The following ANKS1A variants were observed in gnomAD, a reference collection of about 807,000 sequenced individuals.
The protein encoded by ANKS1A is ankyrin repeat and sterile alpha motif domain containing 1A.
ANKS1A carries 55 observed loss-of-function variants against 120.3 expected under a neutral mutation model. The ratio of observed to expected loss-of-function variants is 0.46; its 90% CI spans 0.37 to 0.57. The LOEUF (loss-of-function observed/expected upper bound fraction) is 0.57, where lower values mean the gene tolerates loss of function less well. Among genes scored for constraint, ANKS1A ranks in the 20% least tolerant of loss-of-function variants. The pLI, the probability that ANKS1A is intolerant of heterozygous loss-of-function variation, is 0.00. For synonymous variants in ANKS1A, 590 were observed against 604.7 expected (o/e 0.98, Z 0.36); for missense variants, 1,123 against 1,480.3 (o/e 0.76, Z 3.96).
At chr6:35,034,092 T>A (rs1775039266) in intron 11 of ANKS1A, among the ~76,000 whole-genome samples, 1 of 152,218 alleles carries the variant, frequency 6.6e-6, no homozygotes, top group South Asian at 2.1e-4. Context: ...CAGGGGTGTG[T>A]CTGTGTGTCT....
At chr6:34,895,780 C>CTT (rs995285475) in intron 1 of ANKS1A, among the ~76,000 whole-genome samples, 1,071 of 90,326 alleles carry the variant, frequency 0.012, 144 homozygotes, top group African/African-American at 0.033. Context: ...GAATGTCTTT[C>CTT]TTTTTTTTTT....
chr6:34,994,424 T>A lies in ANKS1A; in HGVS notation c.1423+2T>A. 1 of 1,610,990 alleles carries A rather than the reference T, an allele frequency of 6.2e-7. No homozygotes were observed. On this transcript the variant is annotated splice_donor_variant, in intron 10 of 23. Coordinates refer to ENST00000360359, the MANE Select transcript of ANKS1A (RefSeq NM_015245.3). LOFTEE classifies it high-confidence loss of function. ...TGTTGGTGGATGGAAAAACAAAAGG[T>A]ACGTTCCCCACAACTCCTGGCAGAA... is the stretch of plus-strand genomic sequence containing the variant.
chr6:35,087,732 T>G (rs1430457666), intron 23 of ANKS1A, among the ~76,000 whole-genome samples: 1 of 152,204 alleles, frequency 6.6e-6, no homozygotes, highest in Non-Finnish European at 1.5e-5. Context: ...GCCCAAGATA[T>G]GCGCCAGGCC....
intron 11 of ANKS1A, among the ~76,000 whole-genome samples, chr6:35,053,817 G>A (rs369090871): frequency 6.6e-6 from 1 of 152,272 alleles, no homozygotes; most frequent in East Asian, 1.9e-4. Context: ...GAGTGACATA[G>A]AGATGCCTTG....
intron 1 of ANKS1A, among the ~76,000 whole-genome samples, chr6:34,911,043 C>T (rs1263206428): frequency 6.6e-6 from 1 of 152,070 alleles, no homozygotes; most frequent in East Asian, 1.9e-4. Flanking sequence ...TAGAACAGCT[C>T]CATTACTTAT....
rs78271189 is a variant in ANKS1A, at chr6:34,921,487, C to T, written c.197+31888C>T. The stretch of plus-strand genomic sequence containing the variant: ...TAGAGTTCCAGCCTTTTTATAACAT[C>T]GCTACATTTTAATTTTTTATTTGCA... On this transcript the variant is annotated intron_variant, in intron 1 of 23. Transcript: ENST00000360359. Among the ~76,000 whole-genome samples the T allele has an allele frequency of 3.7e-4, 57 of 152,272 alleles. 1 individual carries two copies. The East Asian group carries it at 0.01, about 28-fold the overall frequency.
intron 1 of ANKS1A, among the ~76,000 whole-genome samples, chr6:34,929,855 CTCTCTTTCTG>C (rs376732273): frequency 3.8e-4 from 54 of 141,220 alleles, no homozygotes; most frequent in African/African-American, 1.4e-3. Context: ...TTCTCTTTCT[CTCTCTTTCTG>C]TCTCTTTCTC....
rs1357641865 is a variant in ANKS1A at position 35,089,771 on chromosome 6, T to A, written c.*1162T>A. ...AAGTAACTTGGGTTGCATTCTTCCC[T>A]CTGGACTAGAGTAGAAATGCAGGGG... On this transcript the variant is annotated 3_prime_UTR_variant, in exon 24 of 24. Coordinates refer to ENST00000360359, the MANE Select transcript of ANKS1A (RefSeq NM_015245.3). 5 of 1,009,680 alleles carry A rather than the reference T, an allele frequency of 5.0e-6. No individual in the cohort carries two copies. Among genetic ancestry groups the A allele is most frequent in the Non-Finnish European group, 5.9e-6 (5 of 845,240 alleles). 62.5% of individuals were successfully genotyped at this position (1,009,680 alleles called of 1,614,324 possible). A position where few individuals can be genotyped will look rare whatever the true frequency, so the allele number is the denominator to read the frequency against.
chr6:35,029,350 T>C, intron 11 of ANKS1A, among the ~76,000 whole-genome samples: 1 of 84,780 alleles, frequency 1.2e-5, no homozygotes, highest in Non-Finnish European at 2.5e-5. Flanking sequence ...TGACTTCTGC[T>C]TTTTTTTTTT....
rs191425135 is a variant in ANKS1A at position 34,895,853 on chromosome 6, G to A, written c.197+6254G>A. 3.0e-4 allele frequency among the ~76,000 whole-genome samples: 37 copies of A among 125,080 alleles called. 1 individual carries two copies. The highest frequency in any genetic ancestry group is 2.4e-3 in the Admixed American group (25 of 10,236). 82.1% of individuals were successfully genotyped at this position (125,080 alleles called of 152,430 possible). A position where few individuals can be genotyped will look rare whatever the true frequency, so the allele number is the denominator to read the frequency against. On this transcript the variant is annotated intron_variant, in intron 1 of 23. Transcript: ENST00000360359. ...CGCCCAGGCTGGAGTGCGATGGCAC[G>A]ATCTCGACTCATTGCAGCCTCCACC... is the stretch of plus-strand genomic sequence containing the variant.
chr6:35,020,397 C>T (rs1158695568), intron 11 of ANKS1A, among the ~76,000 whole-genome samples: 9 of 152,156 alleles, frequency 5.9e-5, no homozygotes. Flanking sequence ...ATGTCAGGGA[C>T]TTGAACATCC....
chr6:35,052,431 A>G (rs1776012818), intron 11 of ANKS1A, among the ~76,000 whole-genome samples: 1 of 151,878 alleles, frequency 6.6e-6, no homozygotes, highest in Non-Finnish European at 1.5e-5. Flanking sequence ...AGCCTGGGCA[A>G]CAGAGCAAGA....
intron 1 of ANKS1A, among the ~76,000 whole-genome samples, chr6:34,945,963 C>CTTTATT: frequency 6.7e-6 from 1 of 150,160 alleles, no homozygotes; most frequent in Middle Eastern, 3.4e-3. Flanking sequence ...CTCCTCCTCT[C>CTTTATT]TTTATTTTTA....
At chr6:34,998,421 A>C (rs1391904929) in intron 10 of ANKS1A, among the ~76,000 whole-genome samples, 1 of 152,134 alleles carries the variant, frequency 6.6e-6, no homozygotes, top group Non-Finnish European at 1.5e-5. Context: ...GAGAAGCAAA[A>C]CTAAAGGCAG....
rs1778180165 is a variant in ANKS1A at position 35,089,428 on chromosome 6, T to C, written c.*819T>C. ...CACTGCCCTGGGCTGGCCGGCGCCG[T>C]ACTGCCTGCGTTGTGTCAGAGAATA... is the stretch of plus-strand genomic sequence containing the variant. On this transcript the variant is annotated 3_prime_UTR_variant, in exon 24 of 24. Transcript: ENST00000360359. The C allele has an allele frequency of 8.1e-6, 8 of 986,670 alleles. No individual in the cohort carries two copies. The highest frequency in any genetic ancestry group is 8.4e-6 in the Non-Finnish European group (7 of 830,682). 61.1% of individuals were successfully genotyped at this position (986,670 alleles called of 1,614,324 possible).
intron 11 of ANKS1A, among the ~76,000 whole-genome samples, chr6:35,047,718 T>C (rs934879911): frequency 8.5e-5 from 13 of 152,244 alleles, no homozygotes; most frequent in Non-Finnish European, 1.8e-4. Context: ...AATCTAGGTC[T>C]CCCAACTTTT....
At chr6:35,068,388 C>T (rs1776890199) in intron 13 of ANKS1A, among the ~76,000 whole-genome samples, 1 of 152,064 alleles carries the variant, frequency 6.6e-6, no homozygotes, top group South Asian at 2.1e-4. Context: ...GGGAAGAGGG[C>T]AGGGCCAGCC....
intron 11 of ANKS1A, among the ~76,000 whole-genome samples, chr6:35,034,415 T>C (rs553540071): frequency 6.6e-6 from 1 of 152,234 alleles, no homozygotes; most frequent in Admixed American, 6.5e-5. Context: ...CTAAGTGGCA[T>C]TGGGGAAGGC....
intron 1 of ANKS1A, among the ~76,000 whole-genome samples, chr6:34,899,377 T>G (rs969008756): frequency 6.6e-6 from 1 of 152,186 alleles, no homozygotes; most frequent in African/African-American, 2.4e-5. Flanking sequence ...CCCAGCATGG[T>G]GGCTAATACC....
Sources: allele counts gnomAD v4.1 joint callset (sites outside exome capture counted in the v4.1 genomes callset), GRCh38; gene constraint gnomAD v4.1.1; transcripts MANE v1.5; gene names NCBI Gene and HGNC (gene_info 2026-07-23, HGNC 2026-07-21).